Variants in TMPRSS11F observed in about 807,000 individuals in gnomAD.
TMPRSS11F encodes transmembrane protease serine 11F.
A neutral mutation model predicts 60.2 loss-of-function variants in TMPRSS11F; 47 were observed. The ratio of observed to expected loss-of-function variants is 0.78; its 90% confidence interval spans 0.62 to 1.00. The LOEUF (loss-of-function observed/expected upper bound fraction) is 1.00, where lower values mean the gene tolerates loss of function less well. TMPRSS11F is among the 50% of genes least tolerant of loss of function. The probability of loss-of-function intolerance (pLI) is 0.00; values close to 1 mark genes in which losing one functional copy is unlikely to be tolerated. For missense variants in TMPRSS11F, 519 were observed against 522.9 expected (o/e 0.99, Z 0.07); for synonymous variants, 166 against 167.3 (o/e 0.99, Z 0.06).
At chr4:68,092,405 C>A (rs991637490) in intron 2 of TMPRSS11F, among the ~76,000 whole-genome samples, 10 of 152,102 alleles carry the variant, frequency 6.6e-5, no homozygotes, top group Non-Finnish European at 1.0e-4. Context: ...GTTCCACTTA[C>A]AAAATTGATT....
chr4:68,062,280 C>A, intron 8 of TMPRSS11F: 1 of 427,350 alleles, frequency 2.3e-6, no homozygotes, highest in South Asian at 1.7e-5. Context: ...AAATCAAAAA[C>A]ATCTTATTAA....
rs1240722719 is a variant in TMPRSS11F at position 68,059,460 on chromosome 4, G to A, written c.1024C>T (p.Gln342Ter). 2 of 1,612,866 alleles carry A rather than the reference G, an allele frequency of 1.2e-6. No individual in the cohort carries two copies. Among genetic ancestry groups the A allele is most frequent in the Non-Finnish European group, 1.7e-6 (2 of 1,179,638 alleles). ...FGSIVDDGPI[Q>*]NTLRQARVET... The stretch of plus-strand genomic sequence containing the variant: ...ACTCTGGCTTGCCGAAGTGTATTTT[G>A]TATAGGTCCTATTGCACAAATGGAT... Residue 342 changes from glutamine to a stop codon, truncating the protein, a stop_gained, in exon 9 of 10, where the codon CAA (glutamine) becomes TAA (stop). Transcript: ENST00000356291. LOFTEE classifies it high-confidence loss of function.
rs144727218 is a variant in TMPRSS11F at position 68,082,237 on chromosome 4, GATC to G, written c.283-8231_283-8229del. Among the ~76,000 whole-genome samples, 683 of 152,244 alleles carry G rather than the reference GATC, an allele frequency of 4.5e-3. 4 individuals are homozygous for G. The highest frequency in any genetic ancestry group is 0.016 in the African/African-American group (649 of 41,546). On this transcript the variant is annotated intron_variant, in intron 3 of 9. Transcript: ENST00000356291. ...ATTCACTCTTGCTGGGGATCTCTAG[GATC>G]ATACCTACAAGAGATCCCACAACCC...
intron 2 of TMPRSS11F, among the ~76,000 whole-genome samples, chr4:68,094,741 G>C (rs549629715): frequency 6.6e-6 from 1 of 151,912 alleles, no homozygotes. Flanking sequence ...TTACTCTTTA[G>C]GTTTTCAAGA....
At chr4:68,088,536 A>G (rs1322599089) in intron 3 of TMPRSS11F, among the ~76,000 whole-genome samples, 3 of 152,024 alleles carry the variant, frequency 2.0e-5, no homozygotes, top group African/African-American at 7.3e-5. Flanking sequence ...CTCTGCACCA[A>G]GCGGACCTAA....
intron 2 of TMPRSS11F, among the ~76,000 whole-genome samples, chr4:68,093,131 T>A (rs1723979573): frequency 6.6e-6 from 1 of 151,506 alleles, no homozygotes; most frequent in Non-Finnish European, 1.5e-5. Flanking sequence ...AGGAAGCCAT[T>A]GTAGAAATCG....
At chr4:68,125,872 T>G (rs558004903) in intron 1 of TMPRSS11F, among the ~76,000 whole-genome samples, 17 of 152,312 alleles carry the variant, frequency 1.1e-4, no homozygotes, top group African/African-American at 4.1e-4. Context: ...ATGCCAGTAT[T>G]TAATGTTTTT....
chr4:68,086,611 A>T (rs755480294), intron 3 of TMPRSS11F, among the ~76,000 whole-genome samples: 1 of 152,150 alleles, frequency 6.6e-6, no homozygotes, highest in East Asian at 1.9e-4. Flanking sequence ...AAGAATAAAC[A>T]AGACTGATAG....
intron 7 of TMPRSS11F, 125 bp from the exon 8 acceptor site, chr4:68,065,069 T>C (rs1723296927): frequency 2.6e-5 from 25 of 960,296 alleles, no homozygotes; most frequent in Non-Finnish European, 3.7e-5. Context: ...AGAAAGTTTG[T>C]AGTTGATAAC....
intron 2 of TMPRSS11F, among the ~76,000 whole-genome samples, chr4:68,092,937 C>T (rs1390242366): frequency 6.6e-6 from 1 of 152,054 alleles, no homozygotes; most frequent in Non-Finnish European, 1.5e-5. Context: ...ATATTAGTCA[C>T]TATACTATAG....
intron 1 of TMPRSS11F, among the ~76,000 whole-genome samples, chr4:68,128,700 T>C (rs1382890703): frequency 1.3e-5 from 2 of 152,134 alleles, no homozygotes; most frequent in Non-Finnish European, 2.9e-5. Flanking sequence ...TAGTTAAATA[T>C]AAAAGTTTTT....
At chr4:68,092,688 T>C (rs1483898171) in intron 2 of TMPRSS11F, among the ~76,000 whole-genome samples, 1 of 151,498 alleles carries the variant, frequency 6.6e-6, no homozygotes, top group Non-Finnish European at 1.5e-5. Context: ...TCAAGGCACA[T>C]CTTGATAAGA....
In TMPRSS11F at chr4:68,115,461, G is replaced by A. The variant is rs139372159; in HGVS notation, c.11+14349C>T. Reference sequence around the variant, plus strand: ...AGCTAATATATGCAATGGTGAGACTGAATGCTTTCTTTTGAAGCTCGGAAT... The same window carrying A: ...AGCTAATATATGCAATGGTGAGACTAAATGCTTTCTTTTGAAGCTCGGAAT... On this transcript the variant is annotated intron_variant, in intron 1 of 9. Coordinates refer to ENST00000356291, the MANE Select transcript of TMPRSS11F (RefSeq NM_207407.2). Among the ~76,000 whole-genome samples, 383 of 151,746 alleles carry A rather than the reference G, an allele frequency of 2.5e-3. 4 individuals carry two copies. The highest frequency in any genetic ancestry group is 7.2e-3 in the African/African-American group (297 of 41,420).
intron 1 of TMPRSS11F, among the ~76,000 whole-genome samples, chr4:68,129,205 A>G (rs979270250): frequency 2.0e-5 from 3 of 152,112 alleles, no homozygotes; most frequent in Admixed American, 6.6e-5. Context: ...ATACAAATTT[A>G]TTTACCTTAA....
At chr4:68,121,742 G>T (rs184610081) in intron 1 of TMPRSS11F, among the ~76,000 whole-genome samples, 5 of 152,260 alleles carry the variant, frequency 3.3e-5, no homozygotes, top group Admixed American at 3.3e-4. Flanking sequence ...CTATGATGAA[G>T]ATATAATTGT....
intron 8 of TMPRSS11F, chr4:68,062,694 C>T (rs1477565062): frequency 1.3e-6 from 1 of 750,102 alleles, no homozygotes; most frequent in African/African-American, 1.7e-5. Context: ...TTGTTATACA[C>T]AGACAGCATG....
chr4:68,082,858 T>C (rs1435793097), intron 3 of TMPRSS11F, among the ~76,000 whole-genome samples: 1 of 152,200 alleles, frequency 6.6e-6, no homozygotes, highest in Non-Finnish European at 1.5e-5. Context: ...AGAAAGAGTG[T>C]GGCCTGTCTG....
At chr4:68,093,930 A>G (rs1724010117) in intron 2 of TMPRSS11F, among the ~76,000 whole-genome samples, 1 of 117,280 alleles carries the variant, frequency 8.5e-6, no homozygotes, top group Non-Finnish European at 2.0e-5. Flanking sequence ...GAGAAATAGG[A>G]ACACTTTTAC....
intron 3 of TMPRSS11F, among the ~76,000 whole-genome samples, chr4:68,089,106 C>G (rs1261994420): frequency 6.6e-6 from 1 of 151,964 alleles, no homozygotes; most frequent in Non-Finnish European, 1.5e-5. Flanking sequence ...CAAAGCAATC[C>G]TAAGCAAAAA....
Sources: allele counts gnomAD v4.1 joint callset (sites outside exome capture counted in the v4.1 genomes callset), GRCh38; gene constraint gnomAD v4.1.1; transcripts MANE v1.5; gene names NCBI Gene and HGNC (gene_info 2026-07-23, HGNC 2026-07-21).